PAPOLB: variants seen among roughly 807,000 people sequenced by gnomAD.
PAPOLB encodes PAP-beta.
A neutral mutation model predicts 23.2 loss-of-function variants in PAPOLB; 19 were observed. The ratio of observed to expected loss-of-function variants is 0.82; its 90% confidence interval spans 0.57 to 1.20. The LOEUF is 1.20. Ranked by LOEUF, PAPOLB falls within the 50% of genes most tolerant of loss-of-function variation. The pLI, the probability that PAPOLB is intolerant of heterozygous loss-of-function variation, is 0.00. For missense variants in PAPOLB, 822 were observed against 776.8 expected, an observed-to-expected ratio of 1.06 and a Z score of -0.69; for synonymous variants, 360 against 290.7, an observed-to-expected ratio of 1.24 and a Z score of -2.43.
In PAPOLB at chr7:4,860,349, G is replaced by A. The variant is rs1478107556; in HGVS notation, c.1462C>T (p.His488Tyr). ...TGGTGAAGTTCCTTTCTTCTTAAAT[G>A]CATTGCAGTAATTTTCATACCCATC... Reference protein sequence around the residue: ...FEMGMKITAMHLRRKELHQLL... With the variant: ...FEMGMKITAMYLRRKELHQLL... Residue 488 changes from histidine to tyrosine, a missense_variant, in exon 1 of 1, where the codon CAT becomes TAT. Physicochemically the swap from His to Tyr is moderately conservative, Grantham distance 83. This residue lies in a region of PAPOLB where 534 missense variants were observed against 502.8 expected (regional missense o/e 1.06). Coordinates refer to ENST00000404991, the MANE Select transcript of PAPOLB (RefSeq NM_020144.5). 2.5e-6 allele frequency: 4 copies of A among 1,613,914 alleles called. No homozygotes were observed. The highest frequency in any genetic ancestry group is 3.4e-6 in the Non-Finnish European group (4 of 1,179,836).
chr7:4,861,854 A>ACCTTCACGTCCCCCACCACCGCGT lies in PAPOLB; in HGVS notation c.-45_-44insACGCGGTGGTGGGGGACGTGAAGG, dbSNP rs766339033. The ACCTTCACGTCCCCCACCACCGCGT allele has an allele frequency of 1.5e-6, 2 of 1,337,452 alleles. No individual in the cohort carries two copies. The highest frequency in any genetic ancestry group is 2.0e-6 in the Non-Finnish European group (2 of 1,022,534). The allele number at this position is 1,337,452 out of a possible 1,614,324, so 82.8% of individuals were successfully genotyped here. A position where few individuals can be genotyped will look rare whatever the true frequency, so the allele number is the denominator to read the frequency against. On this transcript the variant is annotated 5_prime_UTR_variant, in exon 1 of 1. Transcript: ENST00000404991. ...CCAGGGCACGTCCCCCACCACCGCG[A>ACCTTCACGTCCCCCACCACCGCGT]CCTTCGCGGCCGCCGCCCGGGTCAT...
At position 4,861,327 on chromosome 7, in the gene PAPOLB, AAC is replaced by A. The variant is rs1239014139; in HGVS notation, c.482_483del (p.Cys161PhefsTer2). On this transcript the variant is annotated frameshift_variant, in exon 1 of 1. Coordinates refer to ENST00000404991, the MANE Select transcript of PAPOLB (RefSeq NM_020144.5). LOFTEE classifies it high-confidence loss of function. ...AAAATATCAATCTCTATCCCATCAA[AAC>A]ACAGTTTGATAACTGGCACAAATGC... The part of the protein sequence containing the change: ...EEAFVPVIKL[C>X]FDGIEIDILF... The A allele has an allele frequency of 6.2e-6, 10 of 1,613,908 alleles. No individual in the cohort carries two copies. The highest frequency in any genetic ancestry group is 3.3e-5 in the South Asian group (3 of 91,086).
In PAPOLB at chr7:4,861,995, G is replaced by T; in HGVS notation, c.-185C>A. The T allele has an allele frequency of 2.2e-6, 1 of 444,800 alleles. No individual in the cohort carries two copies. 27.6% of individuals were successfully genotyped at this position (444,800 alleles called of 1,614,324 possible). On this transcript the variant is annotated 5_prime_UTR_variant, in exon 1 of 1. Transcript: ENST00000404991. ...TCCTCCTTCCCCTCAGCCCCAACATGGCGCCAGACCCCTCAGCGGCTGCGT... is the reference window on the plus strand; with the variant it reads ...TCCTCCTTCCCCTCAGCCCCAACATTGCGCCAGACCCCTCAGCGGCTGCGT...
rs1553960 is a variant in PAPOLB, at chr7:4,860,464, A to G, written c.1347T>C (p.Asn449=). The G allele has an allele frequency of 0.4, 640,226 of 1,613,522 alleles. 129,799 individuals are homozygous for G. The highest frequency in any genetic ancestry group is 0.55 in the African/African-American group (41,139 of 74,948). Residue 449 remains asparagine, a synonymous_variant, in exon 1 of 1, where the codon AAT becomes AAC. Coordinates refer to ENST00000404991, the MANE Select transcript of PAPOLB (RefSeq NM_020144.5). ...TGAGATCAATGCTGAGAATTTCAGA[A>G]TTATCTGGCTTTTTTAGCCCTAACC... ...VIGLGLKKPD[N]SEILSIDLTY...
Position 4,861,834 on chromosome 7 carries a change from G to GCACGTTCCCCACCACCGCGACCTT in PAPOLB, c.-25_-24insAAGGTCGCGGTGGTGGGGAACGTG, listed in dbSNP as rs1554264944. Reference sequence around the variant, plus strand: ...ATCTTTCAGCGCCCGCCCCGCCAGGGCACGTCCCCCACCACCGCGACCTTC... The same window carrying GCACGTTCCCCACCACCGCGACCTT: ...ATCTTTCAGCGCCCGCCCCGCCAGGGCACGTTCCCCACCACCGCGACCTTCACGTCCCCCACCACCGCGACCTTC... On this transcript the variant is annotated 5_prime_UTR_variant, in exon 1 of 1. Transcript: ENST00000404991. 3.2e-6 allele frequency: 4 copies of GCACGTTCCCCACCACCGCGACCTT among 1,268,774 alleles called. No homozygotes were observed. The highest frequency in any genetic ancestry group is 3.1e-5 in the African/African-American group (2 of 63,902). 78.6% of individuals were successfully genotyped at this position (1,268,774 alleles called of 1,614,324 possible).
chr7:4,858,810 A>T lies in PAPOLB; in HGVS notation c.*1087T>A, dbSNP rs1783898876. 1 of 152,296 alleles carries T rather than the reference A, an allele frequency of 6.6e-6. No individual in the cohort carries two copies. Among genetic ancestry groups the T allele is most frequent in the Admixed American group, 6.5e-5 (1 of 15,272 alleles). 9.4% of individuals were successfully genotyped at this position (152,296 alleles called of 1,614,324 possible). On this transcript the variant is annotated 3_prime_UTR_variant, in exon 1 of 1. Transcript: ENST00000404991. ...GTGGCCACAGGATTGTCAGTTTCAC[A>T]TCATGGTTTAGAGAATATTATTCCT...
Position 4,861,756 on chromosome 7 carries a change from TCGG to T in PAPOLB, c.52_54del (p.Pro18del). ...ATAGGCGAGGAGACGCCGTAGCGAT[TCGG>T]CGGCGGCGCCGGCTGCGGTGGTCCC... On this transcript the variant is annotated inframe_deletion, in exon 1 of 1. Coordinates refer to ENST00000404991, the MANE Select transcript of PAPOLB (RefSeq NM_020144.5). 3 of 1,488,768 alleles carry T rather than the reference TCGG, an allele frequency of 2.0e-6. No individual in the cohort carries two copies. The highest frequency in any genetic ancestry group is 1.4e-5 in the South Asian group (1 of 69,282). The allele number at this position is 1,488,768 out of a possible 1,614,324, so 92.2% of individuals were successfully genotyped here.
chr7:4,861,883 C>G lies in PAPOLB; in HGVS notation c.-73G>C. On this transcript the variant is annotated 5_prime_UTR_variant, in exon 1 of 1. Transcript: ENST00000404991. ...TCGCGGCCGCCGCCCGGGTCATGAT[C>G]CGCTGAGGCGGAAGGGCAGGGCTTC... The G allele has an allele frequency of 4.4e-6, 5 of 1,126,118 alleles. No individual in the cohort carries two copies. The highest frequency in any genetic ancestry group is 6.0e-6 in the Non-Finnish European group (5 of 835,166). 69.8% of individuals were successfully genotyped at this position (1,126,118 alleles called of 1,614,324 possible).
Position 4,860,339 on chromosome 7 carries a change from C to A in PAPOLB, c.1472G>T (p.Arg491Ile). 1 of 1,614,010 alleles carries A rather than the reference C, an allele frequency of 6.2e-7. No individual in the cohort carries two copies. The highest frequency in any genetic ancestry group is 8.5e-7 in the Non-Finnish European group (1 of 1,179,890). ...AGGCAGCAGCTGGTGAAGTTCCTTT[C>A]TTCTTAAATGCATTGCAGTAATTTT... ...GMKITAMHLR[R>I]KELHQLLPHH... The change falls in exon 1 of 1, where the codon AGA becomes ATA. Residue 491 changes from arginine (R) to isoleucine (I), a missense_variant. Arg to Ile is a moderately conservative substitution (Grantham distance 97, BLOSUM62 -3). This residue lies in a region of PAPOLB where 534 missense variants were observed against 502.8 expected (regional missense o/e 1.06). Coordinates refer to ENST00000404991, the MANE Select transcript of PAPOLB (RefSeq NM_020144.5).
chr7:4,860,409 C>G lies in PAPOLB; in HGVS notation c.1402G>C (p.Val468Leu), dbSNP rs968758574. ...TTACTATTCACTGCTTGCCTATAAA[C>G]AGTATCTGTGAAAGACTGGATATCA... ...TYDIQSFTDT[V>L]YRQAVNSKMF... The change falls in exon 1 of 1, where the codon GTT becomes CTT. Residue 468 changes from valine (V) to leucine (L), a missense_variant. Transcript: ENST00000404991. 1.4e-5 allele frequency: 23 copies of G among 1,613,970 alleles called. No homozygotes were observed. The Middle Eastern group carries it at 6.6e-4, about 46-fold the overall frequency.
Position 4,859,556 on chromosome 7 carries a change from A to T in PAPOLB, c.*341T>A, listed in dbSNP as rs1399463628. 4.5e-6 allele frequency: 1 copy of T among 223,240 alleles called. No individual in the cohort carries two copies. The highest frequency in any genetic ancestry group is 8.9e-6 in the Non-Finnish European group (1 of 112,338). 13.8% of individuals were successfully genotyped at this position (223,240 alleles called of 1,614,324 possible). A position where few individuals can be genotyped will look rare whatever the true frequency, so the allele number is the denominator to read the frequency against. ...TAAAGGAAGTTACCAAATGAGCCTC[A>T]ATCTATTTCAAGTCATATCTAGTCC... On this transcript the variant is annotated 3_prime_UTR_variant, in exon 1 of 1. Transcript: ENST00000404991.
rs1783951123 is a variant in PAPOLB, at chr7:4,860,299, C to G, written c.1512G>C (p.Gln504His). 1.9e-6 allele frequency: 3 copies of G among 1,613,850 alleles called. No homozygotes were observed. The highest frequency in any genetic ancestry group is 1.3e-5 in the African/African-American group (1 of 74,914). ...CTTCTGTTGAGTGTGCTTTCTTGTC[C>G]TGAAGCACATGATGAGGCAGCAGCT... ...LHQLLPHHVLQDKKAHSTEGR... is the reference protein window; with the variant it reads ...LHQLLPHHVLHDKKAHSTEGR... The change falls in exon 1 of 1, where the codon CAG (glutamine) becomes CAC (histidine). Residue 504 changes from glutamine to histidine, a missense_variant. Coordinates refer to ENST00000404991, the MANE Select transcript of PAPOLB (RefSeq NM_020144.5).
rs1164646145 is a variant in PAPOLB, at chr7:4,861,764, G to A, written c.47C>T (p.Pro16Leu). ...GGAGACGCCGTAGCGATTCGGCGGC[G>A]GCGCCGGCTGCGGTGGTCCCTGGGT... ...VTTQGPPQPA[P>L]PPNRYGVSSP... Residue 16 changes from proline to leucine, a missense_variant, in exon 1 of 1, where the codon CCG becomes CTG. Transcript: ENST00000404991. 26 of 1,487,480 alleles carry A rather than the reference G, an allele frequency of 1.7e-5. No homozygotes were observed. The highest frequency in any genetic ancestry group is 2.1e-5 in the Non-Finnish European group (24 of 1,120,956). 92.1% of individuals were successfully genotyped at this position (1,487,480 alleles called of 1,614,324 possible).
chr7:4,861,056 A>G lies in PAPOLB; in HGVS notation c.755T>C (p.Met252Thr). The G allele has an allele frequency of 3.1e-6, 5 of 1,614,242 alleles. No homozygotes were observed. The highest frequency in any genetic ancestry group is 4.2e-6 in the Non-Finnish European group (5 of 1,180,034). ...LGFLGGVSWA[M>T]LVARTCQLYP... The stretch of plus-strand genomic sequence containing the variant: ...AAGCTGACAAGTTCTTGCTACTAGC[A>G]TGGCCCAGGAAACACCTCCGAGGAA... The change falls in exon 1 of 1, where the codon ATG becomes ACG. Residue 252 changes from methionine (M) to threonine (T), a missense_variant. This residue lies in a region of PAPOLB where 534 missense variants were observed against 502.8 expected (regional missense o/e 1.06). Coordinates refer to ENST00000404991, the MANE Select transcript of PAPOLB (RefSeq NM_020144.5).
Position 4,861,405 on chromosome 7 carries a change from C to T in PAPOLB, c.406G>A (p.Ala136Thr), listed in dbSNP as rs1258725280. The T allele has an allele frequency of 1.2e-6, 2 of 1,614,184 alleles. No homozygotes were observed. Among genetic ancestry groups the T allele is most frequent in the Admixed American group, 3.3e-5 (2 of 60,028 alleles). The change falls in exon 1 of 1, where the codon GCT (alanine) becomes ACT (threonine). Residue 136 changes from alanine (A) to threonine (T), a missense_variant. By Grantham distance (58) the Ala-to-Thr change is moderately conservative. Transcript: ENST00000404991. ...DRSDFFTSFYAKLKLQEEVKD... is the reference protein window; with the variant it reads ...DRSDFFTSFYTKLKLQEEVKD... ...ACTTCCTCCTGTAGTTTCAGTTTAGCATAGAATGAGGTGAAAAAGTCGCTT... is the reference window on the plus strand; with the variant it reads ...ACTTCCTCCTGTAGTTTCAGTTTAGTATAGAATGAGGTGAAAAAGTCGCTT...
chr7:4,861,701 C>A lies in PAPOLB; in HGVS notation c.110G>T (p.Cys37Phe). The change falls in exon 1 of 1, where the codon TGC becomes TTC. Residue 37 changes from cysteine to phenylalanine, a missense_variant. Coordinates refer to ENST00000404991, the MANE Select transcript of PAPOLB (RefSeq NM_020144.5). ...TTCTATTAGCCTCTGGGTGAGGAGG[C>A]AGTCCGTCTCCTTGGGGACCGCTAG... ...ISLAVPKETD[C>F]LLTQRLIETL... 6.3e-7 allele frequency: 1 copy of A among 1,575,610 alleles called. No homozygotes were observed. Among genetic ancestry groups the A allele is most frequent in the South Asian group, 1.2e-5 (1 of 84,484 alleles).
rs1334249595 is a variant in PAPOLB at position 4,861,294 on chromosome 7, T to G, written c.517A>C (p.Arg173=). 1.2e-6 allele frequency: 2 copies of G among 1,614,152 alleles called. No individual in the cohort carries two copies. Among genetic ancestry groups the G allele is most frequent in the Admixed American group, 1.7e-5 (1 of 60,032 alleles). The part of the protein sequence containing the change: ...DGIEIDILFA[R]LALQTIPEDL... ...TCTGGAATAGTCTGTAGTGCTAATCTTGCAAATAAAATATCAATCTCTATC... is the reference window on the plus strand; with the variant it reads ...TCTGGAATAGTCTGTAGTGCTAATCGTGCAAATAAAATATCAATCTCTATC... The change falls in exon 1 of 1, where the codon AGA becomes CGA. Residue 173 remains arginine, a synonymous_variant. Coordinates refer to ENST00000404991, the MANE Select transcript of PAPOLB (RefSeq NM_020144.5).
rs78826751 is a variant in PAPOLB at position 4,859,619 on chromosome 7, A to T, written c.*278T>A. On this transcript the variant is annotated 3_prime_UTR_variant, in exon 1 of 1. Transcript: ENST00000404991. ...TCTCCTTCCTTAGTATTTGAAGACA[A>T]CAGGTTCAGTTGGCAGATATTGTTC... The T allele has an allele frequency of 0.016, 6,530 of 397,798 alleles. 353 individuals carry two copies. Among genetic ancestry groups the T allele is most frequent in the African/African-American group, 0.12 (5,825 of 49,088 alleles). The allele number at this position is 397,798 out of a possible 1,614,324, so 24.6% of individuals were successfully genotyped here. A position where few individuals can be genotyped will look rare whatever the true frequency, so the allele number is the denominator to read the frequency against.
rs768638021 is a variant in PAPOLB at position 4,861,389 on chromosome 7, T to C, written c.422A>G (p.Gln141Arg). 1.2e-6 allele frequency: 2 copies of C among 1,614,076 alleles called. No individual in the cohort carries two copies. The highest frequency in any genetic ancestry group is 1.7e-6 in the Non-Finnish European group (2 of 1,180,028). Residue 141 changes from glutamine to arginine, a missense_variant, in exon 1 of 1, where the codon CAG becomes CGG. Physicochemically the swap from Gln to Arg is conservative, Grantham distance 43 (BLOSUM62 1). Around this residue, in one of 3 missense-constraint regions of PAPOLB, gnomAD observed 276 missense variants for 243.9 expected, o/e 1.13. Coordinates refer to ENST00000404991, the MANE Select transcript of PAPOLB (RefSeq NM_020144.5). ...AGCCCTTAAATCTTTCACTTCCTCC[T>C]GTAGTTTCAGTTTAGCATAGAATGA... ...FTSFYAKLKL[Q>R]EEVKDLRAVE...
Sources: gnomAD v4.1 joint callset for allele counts on GRCh38, gnomAD v4.1.1 for gene constraint, gnomAD v4.1.1 regional missense constraint, MANE v1.5 for transcripts, NCBI Gene and HGNC (gene_info 2026-07-23, HGNC 2026-07-21) for gene names.